CENPE: variants seen among roughly 807,000 people sequenced by gnomAD.
CENPE encodes the protein centromere protein E.
Under a neutral mutation model 336.1 loss-of-function variants are expected in CENPE, and 145 were observed. The observed-to-expected ratio is 0.43, with a 90% CI of 0.38 to 0.50. CENPE has a LOEUF of 0.50. CENPE is among the 20% of genes least tolerant of loss of function. The pLI is 0.00. For missense variants in CENPE, 2,719 were observed against 3,023.3 expected, an observed-to-expected ratio of 0.90 and a Z score of 2.36; for synonymous variants, 1,013 against 984.8, an observed-to-expected ratio of 1.03 and a Z score of -0.54.
At chr4:103,187,555 A>G (rs964830568) in intron 8 of CENPE, among the ~76,000 whole-genome samples, 3 of 152,202 alleles carry the variant, frequency 2.0e-5, no homozygotes, top group African/African-American at 4.8e-5. Context: ...ACTAAGCTTC[A>G]TAAGTGAAGG....
chr4:103,180,708 T>C (rs1049641412), intron 12 of CENPE, among the ~76,000 whole-genome samples: 2 of 152,172 alleles, frequency 1.3e-5, no homozygotes, highest in Non-Finnish European at 2.9e-5. Context: ...ATACCATGTA[T>C]AAGACACCAA....
At chr4:103,113,492 A>G (rs1578535607) in intron 46 of CENPE, among the ~76,000 whole-genome samples, 2 of 141,184 alleles carry the variant, frequency 1.4e-5, no homozygotes, top group South Asian at 4.2e-4. Flanking sequence ...TTACTTATAT[A>G]TGTTATACTT....
At chr4:103,110,776 A>C (rs1749337011) in intron 47 of CENPE, 52 bp downstream of exon 47, 12 of 1,391,182 alleles carry the variant, frequency 8.6e-6, no homozygotes, top group Non-Finnish European at 1.2e-5. Flanking sequence ...ATGTCCCTAC[A>C]TATATGTAAT....
intron 26 of CENPE, among the ~76,000 whole-genome samples, chr4:103,150,425 T>C (rs1753441380): frequency 6.6e-6 from 1 of 151,884 alleles, no homozygotes; most frequent in East Asian, 1.9e-4. Context: ...CTACCAAAAA[T>C]ACAACAATTA....
At chr4:103,183,335 A>C in intron 9 of CENPE, 47 bp from the exon 10 acceptor site, 1 of 1,456,990 alleles carries the variant, frequency 6.9e-7, no homozygotes. Flanking sequence ...CTCCTTTTCT[A>C]GATGATAAAC....
rs1749656103 is a variant in CENPE at position 103,112,961 on chromosome 4, CTTATAAGTATATAAGTGTATATATAT to C, written c.7540+1468_7540+1493del. Among the ~76,000 whole-genome samples, 3 of 28,492 alleles carry C rather than the reference CTTATAAGTATATAAGTGTATATATAT, an allele frequency of 1.1e-4. 1 individual carries two copies. Among genetic ancestry groups the C allele is most frequent in the Admixed American group, 4.7e-4 (1 of 2,150 alleles). 18.7% of individuals were successfully genotyped at this position (28,492 alleles called of 152,430 possible). A position where few individuals can be genotyped will look rare whatever the true frequency, so the allele number is the denominator to read the frequency against. On this transcript the variant is annotated intron_variant, in intron 46 of 48. Transcript: ENST00000265148. ...ATAAGTATATAAGTGTATATATATA[CTTATAAGTATATAAGTGTATATATAT>C]ACTTATAAGTATATAAGTGTATATA...
rs754105885 is a variant in CENPE at position 103,141,056 on chromosome 4, C to T, written c.5512G>A (p.Asp1838Asn). 17 of 1,587,934 alleles carry T rather than the reference C, an allele frequency of 1.1e-5. No homozygotes were observed. The Admixed American group carries it at 3.0e-4, about 28-fold the overall frequency. The stretch of plus-strand genomic sequence containing the variant: ...ACTTTTTTCTGTGTCTCATTGACAT[C>T]TTTTTTTAACGTAATAAGTTGATGT... The part of the protein sequence containing the change: ...NEHQLITLKK[D>N]VNETQKKVSE... Residue 1838 changes from aspartate to asparagine, a missense_variant, in exon 36 of 49, where the codon GAT becomes AAT. Coordinates refer to ENST00000265148, the MANE Select transcript of CENPE (RefSeq NM_001813.3).
chr4:103,195,131 T>C lies in CENPE; in HGVS notation c.460A>G (p.Ile154Val). The change falls in exon 5 of 49, where the codon ATT (isoleucine) becomes GTT (valine). Residue 154 changes from isoleucine (I) to valine (V), a missense_variant. Transcript: ENST00000265148. The stretch of plus-strand genomic sequence containing the variant: ...CTACTCACATTGACATCTTCTCGAA[T>C]AATTAAAGGTTTCATTTTTTGAGTG... Reference protein sequence around the residue: ...CGTQKMKPLIIREDVNRNVYV... With the variant: ...CGTQKMKPLIVREDVNRNVYV... 1 of 1,587,758 alleles carries C rather than the reference T, an allele frequency of 6.3e-7. No individual in the cohort carries two copies. Among genetic ancestry groups the C allele is most frequent in the Non-Finnish European group, 8.5e-7 (1 of 1,173,332 alleles).
intron 24 of CENPE, among the ~76,000 whole-genome samples, chr4:103,155,848 G>T (rs1753919604): frequency 6.6e-6 from 1 of 152,082 alleles, no homozygotes; most frequent in African/African-American, 2.4e-5. Context: ...ATATCAATTG[G>T]ATCTTACTGA....
intron 40 of CENPE, among the ~76,000 whole-genome samples, chr4:103,135,168 T>C (rs984161434): frequency 3.3e-5 from 5 of 152,370 alleles, no homozygotes; most frequent in African/African-American, 1.2e-4. Context: ...CCAAGGCTCT[T>C]AGTCTTCATT....
chr4:103,169,025 A>T (rs1163738765), intron 16 of CENPE, among the ~76,000 whole-genome samples: 1 of 152,226 alleles, frequency 6.6e-6, no homozygotes, highest in Non-Finnish European at 1.5e-5. Context: ...AATTCAAAAT[A>T]GCTATTTTAA....
chr4:103,146,846 T>A lies in CENPE; in HGVS notation c.4134+510A>T, dbSNP rs149876512. On this transcript the variant is annotated intron_variant, in intron 29 of 48. Coordinates refer to ENST00000265148, the MANE Select transcript of CENPE (RefSeq NM_001813.3). ...CAGATAGCCAGGGAAAGAAATGATG[T>A]TGACTTGGATTAGGGTGGTGGCAGT... 1.0e-3 allele frequency among the ~76,000 whole-genome samples: 153 copies of A among 152,278 alleles called. 1 individual carries two copies. The highest frequency in any genetic ancestry group is 1.7e-3 in the Non-Finnish European group (118 of 68,022).
intron 6 of CENPE, 44 bp downstream of exon 6, chr4:103,194,559 T>C (rs763709685): frequency 6.5e-5 from 99 of 1,524,468 alleles, no homozygotes; most frequent in Admixed American, 7.7e-5. Context: ...ATTGAAAAGA[T>C]AGTTTTTACA....
chr4:103,110,362 G>C (rs1402561420), intron 47 of CENPE, among the ~76,000 whole-genome samples: 1 of 152,076 alleles, frequency 6.6e-6, no homozygotes, highest in African/African-American at 2.4e-5. Context: ...GGCAGAGTTA[G>C]TTATTTGTAA....
chr4:103,111,112 A>G (rs942440984), intron 46 of CENPE, 101 bp from the exon 47 acceptor site: 38 of 778,430 alleles, frequency 4.9e-5, no homozygotes, highest in Admixed American at 1.1e-4. Context: ...ATAGAGACCC[A>G]AACAGCTCAA....
chr4:103,191,068 A>G (rs557912769), intron 8 of CENPE, among the ~76,000 whole-genome samples: 101 of 152,366 alleles, frequency 6.6e-4, no homozygotes, highest in Non-Finnish European at 7.3e-5. Flanking sequence ...ACTGGCCATC[A>G]GAGAAATGCA....
In CENPE at chr4:103,181,520, A is replaced by G. The variant is rs1292053241; in HGVS notation, c.964-64T>C. 3 of 1,352,656 alleles carry G rather than the reference A, an allele frequency of 2.2e-6. No individual in the cohort carries two copies. In the East Asian group the frequency reaches 8.5e-5, roughly 38 times the overall value. The allele number at this position is 1,352,656 out of a possible 1,614,324, so 83.8% of individuals were successfully genotyped here. On this transcript the variant is annotated intron_variant, in intron 11 of 48. Coordinates refer to ENST00000265148, the MANE Select transcript of CENPE (RefSeq NM_001813.3). The stretch of plus-strand genomic sequence containing the variant: ...TAAAAAAATTCGAATTTAATTAATA[A>G]TATTTAGCTTTCTTATATTCAAGAT...
chr4:103,112,633 TATAAGTGG>T (rs1307404777), intron 46 of CENPE, among the ~76,000 whole-genome samples: 1 of 132,250 alleles, frequency 7.6e-6, no homozygotes, highest in East Asian at 2.1e-4. Context: ...TGTAAGTATA[TATAAGTGG>T]ATATATACTT....
chr4:103,163,427 T>C (rs1412805379), intron 17 of CENPE, 52 bp downstream of exon 17: 1 of 1,347,010 alleles, frequency 7.4e-7, no homozygotes, highest in Non-Finnish European at 1.1e-6. Context: ...ATATGTTGCA[T>C]GTTTTATAGT....
Sources: gnomAD v4.1 joint callset for allele counts (sites outside exome capture counted in the v4.1 genomes callset) on GRCh38, gnomAD v4.1.1 for gene constraint, MANE v1.5 for transcripts, NCBI Gene and HGNC (gene_info 2026-07-23, HGNC 2026-07-21) for gene names.